MAP4: variants seen among roughly 807,000 people sequenced by gnomAD.
MAP4 encodes microtubule associated protein 4.
Under a neutral mutation model 170.2 loss-of-function variants are expected in MAP4, and 76 were observed. The observed-to-expected ratio is 0.45, with a 90% CI of 0.37 to 0.54. MAP4 has a LOEUF of 0.54. Ranked by LOEUF, MAP4 falls within the 20% of genes least tolerant of loss-of-function variation. The probability of loss-of-function intolerance (pLI) is 0.00; values close to 1 mark genes in which losing one functional copy is unlikely to be tolerated. For synonymous variants in MAP4, 909 were observed against 994.5 expected (o/e 0.91, Z 1.62); for missense variants, 2,506 against 2,748.0 (o/e 0.91, Z 1.97).
chr3:47,943,363 G>A lies in MAP4; in HGVS notation c.293-15013C>T, dbSNP rs1234935626. Among the ~76,000 whole-genome samples the A allele has an allele frequency of 2.0e-5, 3 of 152,164 alleles. No homozygotes were observed. In the East Asian group the frequency reaches 5.8e-4, roughly 29 times the overall value. ...GCGGTGGCTCATGCCTGTAATCCCA[G>A]CACTTTGGGAGGCTGAGGCCCACAG... On this transcript the variant is annotated intron_variant, in intron 3 of 20. Coordinates refer to ENST00000683076, the MANE Select transcript of MAP4 (RefSeq NM_001385682.1).
intron 1 of MAP4, among the ~76,000 whole-genome samples, chr3:48,009,508 G>C (rs1488958898): frequency 6.6e-6 from 1 of 152,176 alleles, no homozygotes; most frequent in Non-Finnish European, 1.5e-5. Context: ...TCATGCTCAT[G>C]GAATTCACTG....
At chr3:47,883,729 C>T (rs1406449146) in intron 10 of MAP4, among the ~76,000 whole-genome samples, 1 of 151,506 alleles carries the variant, frequency 6.6e-6, no homozygotes. Flanking sequence ...ATTGTTTTAC[C>T]AAATAATTTG....
Position 47,876,709 on chromosome 3 carries a change from T to TG in MAP4, c.5541+707_5541+708insC, listed in dbSNP as rs1360287247. Among the ~76,000 whole-genome samples the TG allele has an allele frequency of 5.9e-5, 9 of 152,200 alleles. No homozygotes were observed. In the East Asian group the frequency reaches 1.7e-3, roughly 29 times the overall value. Reference sequence around the variant, plus strand: ...GGCTTTTGAACTTTGCAATAAGTACTAGTTATGCATCTGAAGCTATATGAT... The same window carrying TG: ...GGCTTTTGAACTTTGCAATAAGTACTGAGTTATGCATCTGAAGCTATATGAT... On this transcript the variant is annotated intron_variant, in intron 11 of 20. Transcript: ENST00000683076.
intron 10 of MAP4, among the ~76,000 whole-genome samples, chr3:47,887,942 T>C (rs991324771): frequency 1.2e-4 from 19 of 152,086 alleles, no homozygotes; most frequent in African/African-American, 4.1e-4. Flanking sequence ...ATCGACACTC[T>C]GTATCTAGCT....
intron 1 of MAP4, among the ~76,000 whole-genome samples, chr3:48,056,973 G>C (rs1375648168): frequency 4.0e-5 from 5 of 125,676 alleles, no homozygotes; most frequent in Admixed American, 7.4e-5. Context: ...CGCCCCGTCC[G>C]GGAGGGAGGT....
chr3:47,973,270 A>C lies in MAP4; in HGVS notation c.292+4595T>G, dbSNP rs35057216. On this transcript the variant is annotated intron_variant, in intron 3 of 20. Coordinates refer to ENST00000683076, the MANE Select transcript of MAP4 (RefSeq NM_001385682.1). The stretch of plus-strand genomic sequence containing the variant: ...AACATTGGGCCAAAAAAGGAAAAAA[A>C]AAGAGAGAGAGAAAGAGAAAGAAGG... 1.1e-3 allele frequency: 1,091 copies of C among 985,242 alleles called. 1 individual carries two copies. Among genetic ancestry groups the C allele is most frequent in the Non-Finnish European group, 1.2e-3 (995 of 829,810 alleles). 61.0% of individuals were successfully genotyped at this position (985,242 alleles called of 1,614,324 possible).
chr3:47,887,203 G>A (rs1008069710), intron 10 of MAP4, among the ~76,000 whole-genome samples: 2 of 152,250 alleles, frequency 1.3e-5, no homozygotes, highest in Non-Finnish European at 2.9e-5. Flanking sequence ...GGGAGGTGTG[G>A]AAGGAGAGGC....
chr3:48,022,833 G>T (rs949737551), intron 1 of MAP4, among the ~76,000 whole-genome samples: 3 of 152,142 alleles, frequency 2.0e-5, no homozygotes, highest in Non-Finnish European at 4.4e-5. Context: ...AGAGGTTGCA[G>T]TGAGCCAAGA....
At chr3:48,075,524 C>CA (rs200716612) in intron 1 of MAP4, among the ~76,000 whole-genome samples, 9 of 149,524 alleles carry the variant, frequency 6.0e-5, no homozygotes, top group African/African-American at 9.8e-5. Context: ...AAGACTGTCT[C>CA]AAAAAAAAAG....
intron 9 of MAP4, among the ~76,000 whole-genome samples, chr3:47,908,450 C>T (rs141414605): frequency 1.3e-5 from 2 of 152,252 alleles, no homozygotes; most frequent in Non-Finnish European, 2.9e-5. Context: ...GTATCTGTAT[C>T]ATTGAGAGAT....
At chr3:47,933,930 A>G (rs1289529819) in intron 3 of MAP4, among the ~76,000 whole-genome samples, 1 of 152,084 alleles carries the variant, frequency 6.6e-6, no homozygotes, top group Non-Finnish European at 1.5e-5. Flanking sequence ...TGGCATTTCA[A>G]CACAAGTAGG....
chr3:48,079,553 G>A (rs1333956591), intron 1 of MAP4, among the ~76,000 whole-genome samples: 1 of 151,988 alleles, frequency 6.6e-6, no homozygotes, highest in Non-Finnish European at 1.5e-5. Flanking sequence ...TACTTGGGAG[G>A]CTGAGGCAGG....
chr3:48,027,806 T>A (rs1333151612), intron 1 of MAP4, among the ~76,000 whole-genome samples: 1 of 152,112 alleles, frequency 6.6e-6, no homozygotes, highest in African/African-American at 2.4e-5. Flanking sequence ...GAACTGCACC[T>A]CAGCCTTGGG....
chr3:48,012,306 C>T (rs2100105692), intron 1 of MAP4, among the ~76,000 whole-genome samples: 1 of 152,180 alleles, frequency 6.6e-6, no homozygotes, highest in Admixed American at 6.5e-5. Context: ...TTCTACTCCA[C>T]TCACTCTTTG....
At chr3:47,976,828 A>C (rs1160028375) in intron 3 of MAP4, among the ~76,000 whole-genome samples, 1 of 152,236 alleles carries the variant, frequency 6.6e-6, no homozygotes, top group Non-Finnish European at 1.5e-5. Flanking sequence ...GGTCATCAAA[A>C]AATCTGATGT....
chr3:47,916,157 G>T lies in MAP4; in HGVS notation c.1670C>A (p.Pro557His), dbSNP rs746786280. 1.2e-6 allele frequency: 2 copies of T among 1,614,182 alleles called. No individual in the cohort carries two copies. The highest frequency in any genetic ancestry group is 2.2e-5 in the South Asian group (2 of 91,084). The part of the protein sequence containing the change: ...DQVPALKTEA[P>H]LAKDGVLTLA... ...GGTCAGAACCCCATCCTTAGCCAGG[G>T]GTGCTTCTGTTTTGAGGGCTGGGAC... is the stretch of plus-strand genomic sequence containing the variant. The change falls in exon 7 of 21, where the codon CCC becomes CAC. Residue 557 changes from proline to histidine, a missense_variant. Pro to His is a moderately conservative substitution (Grantham distance 77). Transcript: ENST00000683076.
At position 47,909,244 on chromosome 3, in the gene MAP4, G is replaced by A. The variant is rs1391302096; in HGVS notation, c.5177C>T (p.Pro1726Leu). 20 of 1,613,550 alleles carry A rather than the reference G, an allele frequency of 1.2e-5. No homozygotes were observed. In the South Asian group the frequency reaches 2.2e-4, roughly 18 times the overall value. ...TASKGVRLPE[P>L]KDKILETPQK... ...AGGTGTCTCCAAAATCTTATCTTTGGGTTCTGGGAGTCGAACACCCTTGGA... is the reference window on the plus strand; with the variant it reads ...AGGTGTCTCCAAAATCTTATCTTTGAGTTCTGGGAGTCGAACACCCTTGGA... Residue 1726 changes from proline (P) to leucine (L), a missense_variant, in exon 9 of 21, where the codon CCC (proline) becomes CTC (leucine). Pro to Leu is a moderately conservative substitution (Grantham distance 98). This residue lies in a region of MAP4 where 2,008 missense variants were observed against 2,206.0 expected (regional missense o/e 0.91). Coordinates refer to ENST00000683076, the MANE Select transcript of MAP4 (RefSeq NM_001385682.1).
In MAP4 at chr3:47,869,275, G is replaced by T; in HGVS notation, c.6347C>A (p.Ser2116Tyr). 1 of 1,614,188 alleles carries T rather than the reference G, an allele frequency of 6.2e-7. No individual in the cohort carries two copies. The highest frequency in any genetic ancestry group is 8.5e-7 in the Non-Finnish European group (1 of 1,180,024). ...EAAATTRKPE[S>Y]NAVTKTAGPI... ...GCCGGCTGTTTTAGTGACTGCATTA[G>T]ATTCAGGCTTTCGGGTTGTAGCAGC... is the stretch of plus-strand genomic sequence containing the variant. The change falls in exon 16 of 21, where the codon TCT (serine) becomes TAT (tyrosine). Residue 2116 changes from serine to tyrosine, a missense_variant. This residue lies in a region of MAP4 where 487 missense variants were observed against 511.6 expected (regional missense o/e 0.95). Transcript: ENST00000683076.
Position 48,024,567 on chromosome 3 carries a change from A to G in MAP4, c.-19-25688T>C, listed in dbSNP as rs964285086. 3.3e-5 allele frequency among the ~76,000 whole-genome samples: 5 copies of G among 152,334 alleles called. No individual in the cohort carries two copies. In the South Asian group the frequency reaches 8.3e-4, roughly 25 times the overall value. On this transcript the variant is annotated intron_variant, in intron 1 of 18. Coordinates refer to the MAP4 transcript ENST00000360240. Reference sequence around the variant, plus strand: ...TCAACCAACTAAATACAAAGAATCCAGCAGGAGACTCCAAGACACCAGATG... The same window carrying G: ...TCAACCAACTAAATACAAAGAATCCGGCAGGAGACTCCAAGACACCAGATG...
Sources: gnomAD v4.1 joint callset for allele counts (sites outside exome capture counted in the v4.1 genomes callset) on GRCh38, gnomAD v4.1.1 for gene constraint, gnomAD v4.1.1 regional missense constraint, MANE v1.5 for transcripts, NCBI Gene and HGNC (gene_info 2026-07-23, HGNC 2026-07-21) for gene names.